Variants in UBR4 observed in about 807,000 individuals in gnomAD.
UBR4 encodes ubiquitin protein ligase E3 component n-recognin 4, also known as E3 ubiquitin-protein ligase UBR4.
In UBR4, 124 loss-of-function variants were observed where a neutral mutation model predicts 575.6. That is an observed-to-expected ratio of 0.22 (90% CI 0.19 to 0.25). UBR4 has a LOEUF of 0.25. UBR4 is among the 10% of genes least tolerant of loss of function. UBR4 has a pLI of 1.00. For missense variants in UBR4, 4,818 were observed against 6,478.8 expected, an observed-to-expected ratio of 0.74 and a Z score of 8.80; for synonymous variants, 2,455 against 2,473.7, an observed-to-expected ratio of 0.99 and a Z score of 0.22.
At chr1:19,098,082 T>C (rs1446723324) in intron 90 of UBR4, among the ~76,000 whole-genome samples, 1 of 152,126 alleles carries the variant, frequency 6.6e-6, no homozygotes, top group Non-Finnish European at 1.5e-5. Flanking sequence ...CAGTGGGGGA[T>C]TTGGTAGCAC....
At chr1:19,128,124 GT>G in intron 62 of UBR4, 86 bp downstream of exon 62, 1 of 1,285,300 alleles carries the variant, frequency 7.8e-7, no homozygotes, top group Non-Finnish European at 1.1e-6. Flanking sequence ...TTGAAACGAG[GT>G]GAAGTTCCTC....
chr1:19,076,868 G>T lies in UBR4; in HGVS notation c.15359C>A (p.Ser5120Tyr). The change falls in exon 105 of 106, where the codon TCC (serine) becomes TAC (tyrosine). Residue 5120 changes from serine to tyrosine, a missense_variant. Physicochemically the swap from Ser to Tyr is moderately radical, Grantham distance 144 (BLOSUM62 -2). Coordinates refer to ENST00000375254, the MANE Select transcript of UBR4 (RefSeq NM_020765.3). ...VPTSNTEGGW[S>Y]CSLAEYIRHN... is the part of the protein sequence containing the mutation. ...GCGGATGTACTCAGCGAGAGAGCAG[G>T]ACCAGCCTCCCTCTGTGTTACTGGT... 1 of 1,599,136 alleles carries T rather than the reference G, an allele frequency of 6.3e-7. No individual in the cohort carries two copies. Among genetic ancestry groups the T allele is most frequent in the Non-Finnish European group, 8.5e-7 (1 of 1,173,282 alleles).
In UBR4 at chr1:19,151,502, GAAGCTCA is replaced by G. The variant is rs541352555; in HGVS notation, c.7213+134_7213+140del. The G allele has an allele frequency of 6.3e-5, 55 of 879,914 alleles. 1 individual carries two copies. In the African/African-American group the frequency reaches 7.4e-4, roughly 12 times the overall value. The allele number at this position is 879,914 out of a possible 1,614,324, so 54.5% of individuals were successfully genotyped here. A position where few individuals can be genotyped will look rare whatever the true frequency, so the allele number is the denominator to read the frequency against. ...ACCTTGCCTCTTTAATACATCAAAT[GAAGCTCA>G]AAGTTTCCTGATGAAAGGACAGAAA... On this transcript the variant is annotated intron_variant, in intron 48 of 105. Transcript: ENST00000375254.
At chr1:19,132,791 TAC>T (rs1157622837) in intron 60 of UBR4, among the ~76,000 whole-genome samples, 1 of 151,740 alleles carries the variant, frequency 6.6e-6, no homozygotes, top group Non-Finnish European at 1.5e-5. Flanking sequence ...AGCAAATCAC[TAC>T]AGATTGTCAA....
At chr1:19,184,265 C>A in intron 15 of UBR4, 90 bp from the exon 16 acceptor site, 1 of 1,358,722 alleles carries the variant, frequency 7.4e-7, no homozygotes, top group Non-Finnish European at 1.0e-6. Flanking sequence ...ATAAAATATG[C>A]TCATAGGTAT....
Position 19,148,134 on chromosome 1 carries a change from C to T in UBR4, c.7495-7G>A, listed in dbSNP as rs200274531. 32 of 1,601,160 alleles carry T rather than the reference C, an allele frequency of 2.0e-5. No individual in the cohort carries two copies. Among genetic ancestry groups the T allele is most frequent in the Non-Finnish European group, 2.6e-5 (31 of 1,176,440 alleles). Reference sequence around the variant, plus strand: ...CAGCATTCTTGTTTCTCTCCTAAGGCAAAAGACAGCAGGGTTATCACTAAC... The same window carrying T: ...CAGCATTCTTGTTTCTCTCCTAAGGTAAAAGACAGCAGGGTTATCACTAAC... On this transcript the variant is annotated splice_polypyrimidine_tract_variant and splice_region_variant and intron_variant, in intron 50 of 105. Coordinates refer to ENST00000375254, the MANE Select transcript of UBR4 (RefSeq NM_020765.3).
Position 19,110,952 on chromosome 1 carries a change from C to T in UBR4, c.11802-120G>A, listed in dbSNP as rs1371772494. 1 of 986,118 alleles carries T rather than the reference C, an allele frequency of 1.0e-6. No homozygotes were observed. The highest frequency in any genetic ancestry group is 1.5e-6 in the Non-Finnish European group (1 of 671,494). The allele number at this position is 986,118 out of a possible 1,614,324, so 61.1% of individuals were successfully genotyped here. On this transcript the variant is annotated intron_variant, in intron 78 of 105. Transcript: ENST00000375254. This position sits in a 1 kb window ranked among gnomAD's most constrained non-coding sequence, Gnocchi z 4.5. ...CTAAGGCTACCTGGCCCCAAATTTT[C>T]TACTTCCTTCCCGGGGCAAGACTAG...
chr1:19,184,295 A>C, intron 15 of UBR4, 120 bp from the exon 16 acceptor site: 1 of 1,092,378 alleles, frequency 9.2e-7, no homozygotes, highest in South Asian at 1.7e-5. Flanking sequence ...AACACAATGA[A>C]TGAAAGAATC....
At chr1:19,177,363 A>G (rs1279342042) in intron 19 of UBR4, 98 bp downstream of exon 19, 4 of 1,485,520 alleles carry the variant, frequency 2.7e-6, no homozygotes, top group African/African-American at 1.4e-5. Context: ...CCTAAAACCT[A>G]AAGTGGGTAG....
At chr1:19,078,258 T>C (rs568115636) in intron 103 of UBR4, 192 bp from the exon 104 acceptor site, 3 of 551,786 alleles carry the variant, frequency 5.4e-6, no homozygotes, top group South Asian at 2.1e-5. Flanking sequence ...CAGAAGTTTA[T>C]TGGTTACAAA....
At chr1:19,096,758 T>C (rs1034211075) in intron 91 of UBR4, 108 bp from the exon 92 acceptor site, 1 of 1,463,524 alleles carries the variant, frequency 6.8e-7, no homozygotes, top group African/African-American at 1.4e-5. Flanking sequence ...ACAGCCCTTT[T>C]CCGTATCTCC....
intron 22 of UBR4, among the ~76,000 whole-genome samples, 190 bp downstream of exon 22, chr1:19,174,129 A>C (rs1009445956): frequency 2.0e-5 from 3 of 152,262 alleles, no homozygotes; most frequent in African/African-American, 7.2e-5. Flanking sequence ...GTAACCAAAA[A>C]AATGCAACAG....
At chr1:19,086,654 C>T (rs746234916) in intron 100 of UBR4, 25 bp downstream of exon 100, 1 of 1,611,046 alleles carries the variant, frequency 6.2e-7, no homozygotes, top group Non-Finnish European at 8.5e-7. Flanking sequence ...ACTGAAGGAG[C>T]CATTCCGCAA....
At chr1:19,168,992 A>AAAG (rs397954768) in intron 27 of UBR4, among the ~76,000 whole-genome samples, 1 of 150,050 alleles carries the variant, frequency 6.7e-6, no homozygotes. Flanking sequence ...AAAAAAAAAA[A>AAAG]GAAGACTCAG....
Position 19,210,078 on chromosome 1 carries a change from G to A in UBR4, c.171C>T (p.Ile57=), listed in dbSNP as rs550831973. Reference sequence around the variant, plus strand: ...CCAGAGCCGCCGCCCGGTACCTCTCGATGACTGAGGCCACCAGCTGCGGCA... The same window carrying A: ...CCAGAGCCGCCGCCCGGTACCTCTCAATGACTGAGGCCACCAGCTGCGGCA... ...KELPQLVASV[I]ESESEILHHE... The change falls in exon 1 of 106, where the codon ATC becomes ATT. Residue 57 remains isoleucine, a synonymous_variant. Transcript: ENST00000375254. 3.2e-6 allele frequency: 5 copies of A among 1,564,122 alleles called. No individual in the cohort carries two copies. In the Admixed American group the frequency reaches 5.6e-5, roughly 18 times the overall value.
chr1:19,169,304 C>T (rs2089113983), intron 27 of UBR4, 131 bp downstream of exon 27: 2 of 653,658 alleles, frequency 3.1e-6, no homozygotes, highest in Admixed American at 7.4e-5. Flanking sequence ...ATGATTCAGC[C>T]ATAGCCAATA....
At chr1:19,151,529 C>T (rs78969859) in intron 48 of UBR4, 114 bp downstream of exon 48, 13 of 1,161,782 alleles carry the variant, frequency 1.1e-5, no homozygotes, top group South Asian at 1.0e-4. Flanking sequence ...GATGAAAGGA[C>T]AGAAAAATCA....
intron 97 of UBR4, among the ~76,000 whole-genome samples, chr1:19,090,656 C>T (rs181838559): frequency 8.5e-5 from 13 of 152,216 alleles, no homozygotes; most frequent in South Asian, 6.2e-4. Flanking sequence ...CAGGCACAGG[C>T]GACAGCTGTC....
At position 19,105,798 on chromosome 1, in the gene UBR4, A is replaced by C. The variant is rs754413163; in HGVS notation, c.12438T>G (p.Cys4146Trp). 3.7e-6 allele frequency: 6 copies of C among 1,610,760 alleles called. No homozygotes were observed. The highest frequency in any genetic ancestry group is 2.2e-5 in the South Asian group (2 of 90,588). The change falls in exon 84 of 106, where the codon TGT (cysteine) becomes TGG (tryptophan). Residue 4146 changes from cysteine to tryptophan, a missense_variant. Cys to Trp is a radical substitution (Grantham distance 215). Around this residue, in one of 29 missense-constraint regions of UBR4, gnomAD observed 178 missense variants for 175.5 expected, o/e 1.01. Coordinates refer to ENST00000375254, the MANE Select transcript of UBR4 (RefSeq NM_020765.3). Reference protein sequence around the residue: ...PATQAARQAACTIVEALATIP... With the variant: ...PATQAARQAAWTIVEALATIP... The stretch of plus-strand genomic sequence containing the variant: ...TGGTGGCTAGAGCTTCCACAATGGT[A>C]CAGGCTGCCTGCCGTGCGGCCTGCG...
Sources: gnomAD v4.1 joint callset for allele counts (sites outside exome capture counted in the v4.1 genomes callset) on GRCh38, gnomAD v4.1.1 for gene constraint, gnomAD v4.1.1 regional missense constraint, Gnocchi (gnomAD v3.1) non-coding constraint, MANE v1.5 for transcripts, NCBI Gene and HGNC (gene_info 2026-07-23, HGNC 2026-07-21) for gene names.